Variants in RUNX2 observed in about 807,000 individuals in gnomAD.
The protein encoded by RUNX2 is runt-related transcription factor 2.
In RUNX2, 10 loss-of-function variants were observed where a neutral mutation model predicts 51.7. The ratio of observed to expected loss-of-function variants is 0.19; its 90% CI spans 0.12 to 0.33. RUNX2 has a LOEUF of 0.33. Ranked by LOEUF, RUNX2 falls within the 10% of genes least tolerant of loss-of-function variation. RUNX2 has a pLI of 1.00. For missense variants in RUNX2, 562 were observed against 691.3 expected (o/e 0.81, Z 2.10); for synonymous variants, 276 against 273.6 (o/e 1.01, Z -0.09).
chr6:45,345,738 G>A (rs894492490), intron 2 of RUNX2, among the ~76,000 whole-genome samples: 1 of 152,122 alleles, frequency 6.6e-6, no homozygotes, highest in East Asian at 1.9e-4. Context: ...TTCTTAATGA[G>A]TATCAATGCA....
chr6:45,387,388 A>G (rs1260358476), intron 2 of RUNX2, among the ~76,000 whole-genome samples: 3 of 152,198 alleles, frequency 2.0e-5, no homozygotes, highest in Non-Finnish European at 4.4e-5. Context: ...AGCACACAGC[A>G]CTCATCATTC....
At chr6:45,498,512 G>A (rs192309995) in intron 6 of RUNX2, among the ~76,000 whole-genome samples, 26 of 152,170 alleles carry the variant, frequency 1.7e-4, no homozygotes, top group Admixed American at 3.3e-4. Flanking sequence ...TTTCATGAAC[G>A]GGAGTTAGCA....
At position 45,328,452 on chromosome 6, in the gene RUNX2, A is replaced by G. The variant is rs1402169904; in HGVS notation, c.-75A>G. 1.4e-6 allele frequency: 2 copies of G among 1,469,812 alleles called. No homozygotes were observed. The highest frequency in any genetic ancestry group is 1.8e-5 in the Admixed American group (1 of 55,566). The allele number at this position is 1,469,812 out of a possible 1,614,324, so 91.0% of individuals were successfully genotyped here. On this transcript the variant is annotated 5_prime_UTR_variant, in exon 1 of 9. Coordinates refer to ENST00000647337, the MANE Select transcript of RUNX2 (RefSeq NM_001024630.4). Reference sequence around the variant, plus strand: ...AGGTCACTACCAGCCACCGAGACCAACAGAGTCAGTGAGTGCTCTCTAACC... The same window carrying G: ...AGGTCACTACCAGCCACCGAGACCAGCAGAGTCAGTGAGTGCTCTCTAACC...
At chr6:45,542,485 A>C (rs1233888417) in intron 7 of RUNX2, among the ~76,000 whole-genome samples, 1 of 152,152 alleles carries the variant, frequency 6.6e-6, no homozygotes, top group Admixed American at 6.5e-5. Context: ...TTGGAATGAA[A>C]TGCATCTGTA....
At chr6:45,515,990 C>T (rs1801307272) in intron 7 of RUNX2, among the ~76,000 whole-genome samples, 1 of 152,126 alleles carries the variant, frequency 6.6e-6, no homozygotes, top group Non-Finnish European at 1.5e-5. Context: ...TTTAATCTAC[C>T]TAAAGACCTT....
chr6:45,535,193 T>A (rs995269248), intron 7 of RUNX2, among the ~76,000 whole-genome samples: 10 of 151,844 alleles, frequency 6.6e-5, no homozygotes, highest in African/African-American at 2.4e-4. Flanking sequence ...AACCTCCGAG[T>A]CACAAGTTTA....
chr6:45,379,290 G>C (rs1000607203), intron 2 of RUNX2, among the ~76,000 whole-genome samples: 2 of 152,208 alleles, frequency 1.3e-5, no homozygotes, highest in African/African-American at 4.8e-5. Context: ...GAAAGTAACA[G>C]AGTGAGTATG....
intron 5 of RUNX2, among the ~76,000 whole-genome samples, chr6:45,439,542 T>C (rs574488144): frequency 6.6e-6 from 1 of 152,346 alleles, no homozygotes; most frequent in Admixed American, 6.5e-5. Flanking sequence ...ATTTTAGTAA[T>C]GCACATAGCA....
intron 2 of RUNX2, among the ~76,000 whole-genome samples, chr6:45,370,550 T>C (rs556044214): frequency 2.6e-5 from 4 of 152,136 alleles, no homozygotes; most frequent in Non-Finnish European, 5.9e-5. Flanking sequence ...GGATAATTAA[T>C]CAATATAATA....
At chr6:45,355,037 C>T (rs898240555) in intron 2 of RUNX2, among the ~76,000 whole-genome samples, 2 of 151,914 alleles carry the variant, frequency 1.3e-5, no homozygotes, top group Non-Finnish European at 2.9e-5. Flanking sequence ...TGCAGTGGTA[C>T]GATCACAGGT....
chr6:45,475,720 T>C (rs1319258006), intron 5 of RUNX2, among the ~76,000 whole-genome samples: 3 of 152,246 alleles, frequency 2.0e-5, no homozygotes, highest in African/African-American at 7.2e-5. Context: ...TCAACTGATA[T>C]GATTCAGTTG....
intron 2 of RUNX2, among the ~76,000 whole-genome samples, chr6:45,346,138 CT>C: frequency 6.6e-6 from 1 of 152,188 alleles, no homozygotes; most frequent in East Asian, 1.9e-4. Flanking sequence ...ATCTGTAACT[CT>C]TTTCACATAC....
At chr6:45,331,104 GGTGTGT>G (rs143223149) in intron 2 of RUNX2, among the ~76,000 whole-genome samples, 7 of 149,606 alleles carry the variant, frequency 4.7e-5, no homozygotes, top group Non-Finnish European at 1.0e-4. Context: ...TACAATGAGT[GGTGTGT>G]GTGTGTGTGT....
At chr6:45,385,984 A>C (rs1268668114) in intron 2 of RUNX2, among the ~76,000 whole-genome samples, 3 of 151,994 alleles carry the variant, frequency 2.0e-5, no homozygotes, top group African/African-American at 7.2e-5. Context: ...ATTTGTTTTT[A>C]ATATTAAGTA....
intron 2 of RUNX2, among the ~76,000 whole-genome samples, chr6:45,347,031 G>A (rs1791024698): frequency 2.0e-5 from 3 of 152,076 alleles, no homozygotes; most frequent in African/African-American, 2.4e-5. Context: ...TTACATGGCT[G>A]AAAAGAGAGG....
chr6:45,376,596 C>T (rs1428846890), intron 2 of RUNX2, among the ~76,000 whole-genome samples: 1 of 152,250 alleles, frequency 6.6e-6, no homozygotes, highest in African/African-American at 2.4e-5. Context: ...CAGCCCTAGA[C>T]TTAGGCATAC....
intron 3 of RUNX2, among the ~76,000 whole-genome samples, chr6:45,431,084 T>G (rs1798529313): frequency 6.6e-6 from 1 of 152,236 alleles, no homozygotes; most frequent in African/African-American, 2.4e-5. Context: ...ATCTAGATCT[T>G]TTCTTGATTG....
rs554737098 is a variant in RUNX2, at chr6:45,397,053, G to A, written c.59-25540G>A. On this transcript the variant is annotated intron_variant, in intron 2 of 8. Transcript: ENST00000647337. ...AGTATATATGTTTTTATTTCTCTTG[G>A]GGATAAACCTAAGAGTAGAATTTCT... 2.0e-5 allele frequency among the ~76,000 whole-genome samples: 3 copies of A among 151,816 alleles called. No individual in the cohort carries two copies. The South Asian group carries it at 6.2e-4, about 32-fold the overall frequency.
chr6:45,457,627 T>A (rs1396554645), intron 5 of RUNX2, among the ~76,000 whole-genome samples: 1 of 152,202 alleles, frequency 6.6e-6, no homozygotes, highest in Non-Finnish European at 1.5e-5. Flanking sequence ...TACCTGAAAA[T>A]GCAATTTGAA....
Sources: gnomAD v4.1 joint callset for allele counts (sites outside exome capture counted in the v4.1 genomes callset) on GRCh38, gnomAD v4.1.1 for gene constraint, MANE v1.5 for transcripts, NCBI Gene and HGNC (gene_info 2026-07-23, HGNC 2026-07-21) for gene names.